The following IP6K1 variants were observed in gnomAD, a reference collection of about 807,000 sequenced individuals.
The protein encoded by IP6K1 is inositol hexakisphosphate kinase 1.
Under a neutral mutation model 38.3 loss-of-function variants are expected in IP6K1, and 13 were observed. The observed-to-expected ratio is 0.34, with a 90% CI of 0.22 to 0.54. IP6K1 has a LOEUF of 0.54. Ranked by LOEUF, IP6K1 falls within the 20% of genes least tolerant of loss-of-function variation. The pLI, the probability that IP6K1 is intolerant of heterozygous loss-of-function variation, is 0.92. For synonymous variants in IP6K1, 212 were observed against 229.9 expected, an observed-to-expected ratio of 0.92 and a Z score of 0.70; for missense variants, 397 against 599.8, an observed-to-expected ratio of 0.66 and a Z score of 3.53.
chr3:49,758,314 C>CAAAAAAAAAAA (rs11359274), intron 1 of IP6K1, among the ~76,000 whole-genome samples: 1 of 54,404 alleles, frequency 1.8e-5, no homozygotes, highest in African/African-American at 7.6e-5. Context: ...GACTCCATCT[C>CAAAAAAAAAAA]AAAAAAAAAA....
chr3:49,762,296 T>C (rs9865480), intron 1 of IP6K1, among the ~76,000 whole-genome samples: 74,102 of 151,814 alleles, frequency 0.49, 19,214 homozygotes, highest in African/African-American at 0.63. Context: ...GCAATCCCGG[T>C]ACTTTGGGAG....
intron 1 of IP6K1, among the ~76,000 whole-genome samples, chr3:49,753,358 A>G (rs1358110543): frequency 6.6e-6 from 1 of 152,114 alleles, no homozygotes; most frequent in Non-Finnish European, 1.5e-5. Flanking sequence ...CTCTTTCTCA[A>G]TGAAAGGTCT....
intron 1 of IP6K1, among the ~76,000 whole-genome samples, chr3:49,769,493 A>C (rs150693958): frequency 7.4e-4 from 113 of 152,348 alleles, no homozygotes; most frequent in African/African-American, 2.6e-3. Context: ...TGCCAGCGAC[A>C]AATCAGGATA....
intron 1 of IP6K1, among the ~76,000 whole-genome samples, chr3:49,771,176 A>G (rs1413152140): frequency 3.5e-5 from 5 of 143,600 alleles, no homozygotes; most frequent in African/African-American, 1.1e-4. Context: ...AAAACTTCCT[A>G]AAACTCAGTA....
At chr3:49,751,153 T>TGTTG (rs1553694812) in intron 1 of IP6K1, among the ~76,000 whole-genome samples, 2 of 22,906 alleles carry the variant, frequency 8.7e-5, no homozygotes, top group Non-Finnish European at 2.0e-4. Flanking sequence ...GACTCCTTTT[T>TGTTG]TTTTTGTTGT....
rs758652211 is a variant in IP6K1 at position 49,748,026 on chromosome 3, T to A, written c.15A>T (p.Gln5His). 3.7e-6 allele frequency: 6 copies of A among 1,613,192 alleles called. No individual in the cohort carries two copies. Among genetic ancestry groups the A allele is most frequent in the Non-Finnish European group, 5.1e-6 (6 of 1,180,040 alleles). Residue 5 changes from glutamine (Q) to histidine (H), a missense_variant, in exon 2 of 6, where the codon CAA (glutamine) becomes CAT (histidine). Gln to His is a conservative substitution (Grantham distance 24). Around this residue, in one of 3 missense-constraint regions of IP6K1, gnomAD observed 171 missense variants for 237.0 expected, o/e 0.72. Transcript: ENST00000321599. MCVC[Q>H]TMEVGQYGKN... ...TGCCATACTGCCCCACTTCCATGGT[T>A]TGACAAACACACATTGCGTTGGGGG...
chr3:49,734,184 T>C (rs549276580), intron 3 of IP6K1, among the ~76,000 whole-genome samples: 36 of 152,130 alleles, frequency 2.4e-4, no homozygotes, highest in Non-Finnish European at 4.7e-4. Context: ...CAAAGGAGTT[T>C]TTGTGAGAAA....
chr3:49,731,979 G>GA (rs1280621229), intron 4 of IP6K1, among the ~76,000 whole-genome samples: 2 of 151,266 alleles, frequency 1.3e-5, no homozygotes, highest in African/African-American at 4.9e-5. Flanking sequence ...GCCCAGGCTA[G>GA]AAGCTAGAAT....
rs374326841 is a variant in IP6K1 at position 49,761,600 on chromosome 3, C to T, written c.-128-13432G>A. ...CTGCACTCCAGCCTGGGCAACAGCG[C>T]GAGACTCCGTCTCAAAAAAAAAAAA... On this transcript the variant is annotated intron_variant, in intron 1 of 5. Coordinates refer to ENST00000321599, the MANE Select transcript of IP6K1 (RefSeq NM_153273.4). Among the ~76,000 whole-genome samples, 20 of 138,086 alleles carry T rather than the reference C, an allele frequency of 1.4e-4. No individual in the cohort carries two copies. The East Asian group carries it at 2.5e-3, about 17-fold the overall frequency. 90.6% of individuals were successfully genotyped at this position (138,086 alleles called of 152,430 possible). A position where few individuals can be genotyped will look rare whatever the true frequency, so the allele number is the denominator to read the frequency against.
At chr3:49,732,010 C>T (rs1039746697) in intron 4 of IP6K1, among the ~76,000 whole-genome samples, 1 of 151,960 alleles carries the variant, frequency 6.6e-6, no homozygotes, top group Non-Finnish European at 1.5e-5. Context: ...AATCATGGCC[C>T]ACTGCAGTCT....
intron 1 of IP6K1, among the ~76,000 whole-genome samples, chr3:49,774,085 T>C (rs1469860990): frequency 6.6e-6 from 1 of 151,562 alleles, no homozygotes; most frequent in Non-Finnish European, 1.5e-5. Context: ...AACTATAAAG[T>C]CTCCAAATTA....
chr3:49,774,407 C>CAAAAAAAAAAAAAA (rs777187857), intron 1 of IP6K1, among the ~76,000 whole-genome samples: 3 of 44,274 alleles, frequency 6.8e-5, no homozygotes, highest in Non-Finnish European at 1.4e-4. Flanking sequence ...GACTCCATCT[C>CAAAAAAAAAAAAAA]AAAAAAAAAA....
intron 1 of IP6K1, among the ~76,000 whole-genome samples, chr3:49,783,016 A>G (rs138577852): frequency 6.7e-6 from 1 of 150,374 alleles, no homozygotes; most frequent in Non-Finnish European, 1.5e-5. Context: ...GCTACTCGGG[A>G]GGCTGAGGCA....
At chr3:49,785,681 G>C (rs1433193709) in intron 1 of IP6K1, 1 of 152,120 alleles carries the variant, frequency 6.6e-6, no homozygotes, top group African/African-American at 2.4e-5. Flanking sequence ...TTCTCCTAAA[G>C]CAAAAAGAGG....
Position 49,726,899 on chromosome 3 carries a change from C to G in IP6K1, c.*223G>C. Reference sequence around the variant, plus strand: ...CCTAAGGCAGCCTGGACACACCAGTCAGAGCCACAAAGCTGAGGAGCCTGG... The same window carrying G: ...CCTAAGGCAGCCTGGACACACCAGTGAGAGCCACAAAGCTGAGGAGCCTGG... On this transcript the variant is annotated 3_prime_UTR_variant, in exon 6 of 6. Coordinates refer to ENST00000321599, the MANE Select transcript of IP6K1 (RefSeq NM_153273.4). The G allele has an allele frequency of 1.7e-5, 9 of 538,152 alleles. No individual in the cohort carries two copies. In the East Asian group the frequency reaches 2.7e-4, roughly 16 times the overall value. 33.3% of individuals were successfully genotyped at this position (538,152 alleles called of 1,614,324 possible). A position where few individuals can be genotyped will look rare whatever the true frequency, so the allele number is the denominator to read the frequency against.
intron 4 of IP6K1, among the ~76,000 whole-genome samples, chr3:49,728,947 G>A (rs2080538424): frequency 7.2e-6 from 1 of 138,674 alleles, no homozygotes; most frequent in Non-Finnish European, 1.5e-5. Context: ...AGGACTACAG[G>A]CATGCCTAAT....
intron 1 of IP6K1, among the ~76,000 whole-genome samples, chr3:49,756,495 C>A (rs2080823885): frequency 6.6e-6 from 1 of 151,992 alleles, no homozygotes; most frequent in African/African-American, 2.4e-5. Context: ...CAAAGTGATA[C>A]AGGGGAAATC....
rs2080512098 is a variant in IP6K1, at chr3:49,727,064, G to A, written c.*58C>T. On this transcript the variant is annotated 3_prime_UTR_variant, in exon 6 of 6. Transcript: ENST00000321599. The surrounding 1 kb of genome is among the most constrained non-coding windows in gnomAD (Gnocchi z 5.9). ...TCTGTGTGTCCTCACGGCAAGTTCA[G>A]AACAATGGTCCCTGCCTGCAGTGGA... The A allele has an allele frequency of 6.7e-7, 1 of 1,497,416 alleles. No homozygotes were observed. The highest frequency in any genetic ancestry group is 9.0e-7 in the Non-Finnish European group (1 of 1,112,504). 92.8% of individuals were successfully genotyped at this position (1,497,416 alleles called of 1,614,324 possible).
chr3:49,772,158 A>G (rs1339786060), intron 1 of IP6K1, among the ~76,000 whole-genome samples: 1 of 151,078 alleles, frequency 6.6e-6, no homozygotes, highest in Admixed American at 6.6e-5. Flanking sequence ...GGTGGCAGTG[A>G]GCTATAATTG....
Sources: allele counts gnomAD v4.1 joint callset (sites outside exome capture counted in the v4.1 genomes callset), GRCh38; gene constraint gnomAD v4.1.1; regional missense constraint gnomAD v4.1.1; non-coding constraint Gnocchi (gnomAD v3.1); transcripts MANE v1.5; gene names NCBI Gene and HGNC (gene_info 2026-07-23, HGNC 2026-07-21).